Variants in MYH10 observed in about 807,000 individuals in gnomAD.
MYH10 encodes the protein myosin heavy chain 10, also known as myosin-10.
MYH10 carries 55 observed loss-of-function variants against 257.8 expected under a neutral mutation model. That is an observed-to-expected ratio of 0.21 (90% CI 0.17 to 0.27). MYH10 has a LOEUF of 0.27. Ranked by LOEUF, MYH10 falls within the 10% of genes least tolerant of loss-of-function variation. MYH10 has a pLI of 1.00. For synonymous variants in MYH10, 854 were observed against 921.7 expected (o/e 0.93, Z 1.33); for missense variants, 1,631 against 2,500.6 (o/e 0.65, Z 7.42).
chr17:8,509,450 T>A (rs1286431723), intron 25 of MYH10, among the ~76,000 whole-genome samples: 5 of 152,246 alleles, frequency 3.3e-5, no homozygotes, highest in Admixed American at 2.0e-4. Flanking sequence ...GGCTTACACG[T>A]CTTGGTGCCC....
At position 8,562,513 on chromosome 17, in the gene MYH10, C is replaced by T. The variant is rs151064021; in HGVS notation, c.756+7207G>A. On this transcript the variant is annotated intron_variant, in intron 7 of 42. Transcript: ENST00000360416. ...TTTAAGTGGGAACGCTATCTTTAAA[C>T]ATTATGTGAAGAAATCTGTGCCGAA... 3.7e-3 allele frequency among the ~76,000 whole-genome samples: 569 copies of T among 152,320 alleles called. 2 individuals carry two copies. The highest frequency in any genetic ancestry group is 0.027 in the Middle Eastern group (8 of 294).
chr17:8,585,513 T>A (rs2083887434), intron 4 of MYH10, among the ~76,000 whole-genome samples: 4 of 151,880 alleles, frequency 2.6e-5, no homozygotes. Context: ...ATTTGGTGGA[T>A]CCTCAAAGGC....
Position 8,518,025 on chromosome 17 carries a change from C to CGTGTGTGT in MYH10, c.2504+598_2504+605dup, listed in dbSNP as rs34409328. Among the ~76,000 whole-genome samples, 718 of 123,702 alleles carry CGTGTGTGT rather than the reference C, an allele frequency of 5.8e-3. 51 individuals carry two copies. The highest frequency in any genetic ancestry group is 0.019 in the African/African-American group (603 of 31,920). 81.2% of individuals were successfully genotyped at this position (123,702 alleles called of 152,430 possible). Reference sequence around the variant, plus strand: ...AGCAGGACCCCATACCCCTTGGCCCCGTGTGTGTGTGTGTGTGTGTGTGTG... The same window carrying CGTGTGTGT: ...AGCAGGACCCCATACCCCTTGGCCCCGTGTGTGTGTGTGTGTGTGTGTGTGTGTGTGTG... On this transcript the variant is annotated intron_variant, in intron 21 of 42. Transcript: ENST00000360416.
At chr17:8,551,416 T>G (rs544788015) in intron 9 of MYH10, among the ~76,000 whole-genome samples, 2 of 152,168 alleles carry the variant, frequency 1.3e-5, no homozygotes, top group Admixed American at 6.5e-5. Context: ...ACTGTATATG[T>G]GTCTACTTTG....
chr17:8,507,041 T>C (rs2081095828), intron 26 of MYH10, among the ~76,000 whole-genome samples: 1 of 152,230 alleles, frequency 6.6e-6, no homozygotes, highest in Admixed American at 6.5e-5. Flanking sequence ...TTTCACTGAA[T>C]GATTTATTTC....
intron 28 of MYH10, among the ~76,000 whole-genome samples, chr17:8,503,757 T>A (rs895793052): frequency 1.3e-5 from 2 of 152,228 alleles, no homozygotes; most frequent in Non-Finnish European, 2.9e-5. Flanking sequence ...TCCTTCTTGC[T>A]TTATTCCAGG....
intron 3 of MYH10, among the ~76,000 whole-genome samples, chr17:8,591,691 C>CAGACGCAGGAAGA (rs2084147342): frequency 2.6e-5 from 4 of 151,538 alleles, no homozygotes; most frequent in African/African-American, 9.7e-5. Context: ...TGCGTCTGTA[C>CAGACGCAGGAAGA]ATGCTATTAT....
intron 37 of MYH10, among the ~76,000 whole-genome samples, chr17:8,481,681 C>T (rs1054482577): frequency 6.6e-6 from 1 of 152,246 alleles, no homozygotes; most frequent in African/African-American, 2.4e-5. Context: ...TAAGAGGTGG[C>T]TATGTTCCTG....
intron 2 of MYH10, among the ~76,000 whole-genome samples, chr17:8,620,944 G>C (rs1025075219): frequency 6.6e-6 from 1 of 152,074 alleles, no homozygotes; most frequent in Non-Finnish European, 1.5e-5. Context: ...AGTTAAGTTG[G>C]AAAAAAATCC....
At chr17:8,510,888 A>C (rs971078393) in intron 24 of MYH10, among the ~76,000 whole-genome samples, 5 of 151,890 alleles carry the variant, frequency 3.3e-5, no homozygotes, top group African/African-American at 1.2e-4. Context: ...GAACGTGCAG[A>C]TCTTTATAAT....
intron 2 of MYH10, among the ~76,000 whole-genome samples, chr17:8,617,752 T>C (rs943544070): frequency 4.6e-5 from 7 of 152,152 alleles, no homozygotes; most frequent in African/African-American, 1.2e-4. Context: ...GATAAATTCA[T>C]TGGGTCAAAA....
At chr17:8,591,641 A>G (rs926993085) in intron 3 of MYH10, among the ~76,000 whole-genome samples, 1 of 152,096 alleles carries the variant, frequency 6.6e-6, no homozygotes, top group African/African-American at 2.4e-5. Context: ...ATTAACCCAA[A>G]TCGAATTGCC....
chr17:8,518,025 C>CGTGTGTGTGTGTGTGTGTGT lies in MYH10; in HGVS notation c.2504+586_2504+605dup, dbSNP rs34409328. ...AGCAGGACCCCATACCCCTTGGCCCCGTGTGTGTGTGTGTGTGTGTGTGTG... is the reference window on the plus strand; with the variant it reads ...AGCAGGACCCCATACCCCTTGGCCCCGTGTGTGTGTGTGTGTGTGTGTGTGTGTGTGTGTGTGTGTGTGTG... On this transcript the variant is annotated intron_variant, in intron 21 of 42. Coordinates refer to ENST00000360416, the MANE Select transcript of MYH10 (RefSeq NM_001256012.3). Among the ~76,000 whole-genome samples the CGTGTGTGTGTGTGTGTGTGT allele has an allele frequency of 8.1e-5, 10 of 123,714 alleles. 1 individual carries two copies. Among genetic ancestry groups the CGTGTGTGTGTGTGTGTGTGT allele is most frequent in the African/African-American group, 2.8e-4 (9 of 31,928 alleles). 81.2% of individuals were successfully genotyped at this position (123,714 alleles called of 152,430 possible). A position where few individuals can be genotyped will look rare whatever the true frequency, so the allele number is the denominator to read the frequency against.
At chr17:8,484,068 T>G (rs1914337726) in intron 37 of MYH10, 70 bp downstream of exon 37, 1 of 1,428,012 alleles carries the variant, frequency 7.0e-7, no homozygotes, top group Non-Finnish European at 9.4e-7. Context: ...TATATTAACT[T>G]TTTTTTGATC....
In MYH10 at chr17:8,508,832, G is replaced by A. The variant is rs111945289; in HGVS notation, c.3091-155C>T. 4.1e-3 allele frequency among the ~76,000 whole-genome samples: 618 copies of A among 152,310 alleles called. 2 individuals carry two copies. Among genetic ancestry groups the A allele is most frequent in the Non-Finnish European group, 6.4e-3 (433 of 68,032 alleles). On this transcript the variant is annotated intron_variant, in intron 25 of 42. Transcript: ENST00000360416. ...TGTACACAATCACATGCTGCAGAAC[G>A]ATGTTTTGGACAATGATGAACCGGA...
At chr17:8,580,773 T>C (rs1250723341) in intron 4 of MYH10, among the ~76,000 whole-genome samples, 2 of 152,232 alleles carry the variant, frequency 1.3e-5, no homozygotes, top group Non-Finnish European at 1.5e-5. Flanking sequence ...TCAGGCATTC[T>C]TCTGAGTGCT....
rs538133072 is a variant in MYH10, at chr17:8,621,331, T to C, written c.345+1571A>G. On this transcript the variant is annotated intron_variant, in intron 2 of 42. Transcript: ENST00000360416. ...CCATGATCCCTGTTCCTCAACATTCTGAAAACTTCCAGGCCTTGATCCATC... is the reference window on the plus strand; with the variant it reads ...CCATGATCCCTGTTCCTCAACATTCCGAAAACTTCCAGGCCTTGATCCATC... Among the ~76,000 whole-genome samples, 71 of 152,274 alleles carry C rather than the reference T, an allele frequency of 4.7e-4. 2 individuals carry two copies. In the South Asian group the frequency reaches 0.013, roughly 28 times the overall value.
intron 35 of MYH10, among the ~76,000 whole-genome samples, chr17:8,488,048 GGCAGAAACT>G (rs1915168143): frequency 6.6e-6 from 1 of 152,246 alleles, no homozygotes; most frequent in East Asian, 1.9e-4. Flanking sequence ...GTCAGAACCA[GGCAGAAACT>G]GCCTTTGATC....
chr17:8,497,742 A>C (rs1309323752), intron 30 of MYH10, among the ~76,000 whole-genome samples: 1 of 111,064 alleles, frequency 9.0e-6, no homozygotes, highest in South Asian at 2.6e-4. Flanking sequence ...CTGTCTCAAA[A>C]AAAAAAAAAA....
Sources: allele counts gnomAD v4.1 joint callset (sites outside exome capture counted in the v4.1 genomes callset), GRCh38; gene constraint gnomAD v4.1.1; transcripts MANE v1.5; gene names NCBI Gene and HGNC (gene_info 2026-07-23, HGNC 2026-07-21).